Variants in KLHDC4 observed in about 807,000 individuals in gnomAD.
The protein encoded by KLHDC4 is kelch domain containing 4.
KLHDC4 carries 90 observed loss-of-function variants against 62.4 expected under a neutral mutation model. That is an observed-to-expected ratio of 1.44 (90% CI 1.22 to 1.72). The LOEUF (loss-of-function observed/expected upper bound fraction) is 1.72. Among genes scored for constraint, KLHDC4 ranks in the 40% most tolerant of loss-of-function variants. The probability of loss-of-function intolerance (pLI) is 0.00; values close to 1 mark genes in which losing one functional copy is unlikely to be tolerated. For missense variants in KLHDC4, 1,025 were observed against 699.7 expected, an observed-to-expected ratio of 1.47 and a Z score of -5.25; for synonymous variants, 386 against 284.4, an observed-to-expected ratio of 1.36 and a Z score of -3.59.
In KLHDC4 at chr16:87,734,346, GA is replaced by G. The variant is rs144103906; in HGVS notation, c.507-3703del. Reference sequence around the variant, plus strand: ...GCGATAGAGCAAGACTCCGTCTCAAGAAAAAAAAAACACAAGACATCAAGAC... The same window carrying G: ...GCGATAGAGCAAGACTCCGTCTCAAGAAAAAAAAACACAAGACATCAAGAC... On this transcript the variant is annotated intron_variant, in intron 5 of 11. Coordinates refer to ENST00000270583, the MANE Select transcript of KLHDC4 (RefSeq NM_017566.4). 5.3e-4 allele frequency among the ~76,000 whole-genome samples: 78 copies of G among 147,208 alleles called. 1 individual carries two copies. Among genetic ancestry groups the G allele is most frequent in the African/African-American group, 1.7e-3 (68 of 40,294 alleles).
At chr16:87,702,766 G>A (rs2034209984), upstream of KLHDC4, among the ~76,000 whole-genome samples, 1 of 152,236 alleles carries the variant, frequency 6.6e-6, no homozygotes, top group African/African-American at 2.4e-5. Context: ...GTGTTAACCT[G>A]TGTTTCCTTC....
At chr16:87,752,297 C>T (rs1266564781) in intron 4 of KLHDC4, among the ~76,000 whole-genome samples, 1 of 148,398 alleles carries the variant, frequency 6.7e-6, no homozygotes, top group East Asian at 2.0e-4. Flanking sequence ...AAACTCCAGG[C>T]AAGAGTGTAA....
intron 1 of KLHDC4, 154 bp from the exon 2 acceptor site, chr16:87,762,194 G>C (rs917894202): frequency 1.4e-6 from 2 of 1,430,064 alleles, no homozygotes; most frequent in Non-Finnish European, 1.8e-6. Flanking sequence ...TGCAGAGTTT[G>C]ACACATTCGA....
chr16:87,709,015 G>T (rs895279710), intron 10 of KLHDC4, among the ~76,000 whole-genome samples: 1 of 152,234 alleles, frequency 6.6e-6, no homozygotes, highest in Non-Finnish European at 1.5e-5. Context: ...AGATGCACCC[G>T]TGTCCTGTGC....
rs180830082 is a variant in KLHDC4 at position 87,708,153 on chromosome 16, A to G, written c.*2-78T>C. The G allele has an allele frequency of 1.5e-3, 957 of 632,556 alleles. 23 individuals are homozygous for G. The Admixed American group carries it at 0.022, about 15-fold the overall frequency. The allele number at this position is 632,556 out of a possible 1,614,324, so 39.2% of individuals were successfully genotyped here. A position where few individuals can be genotyped will look rare whatever the true frequency, so the allele number is the denominator to read the frequency against. ...GGCCCGTGCAGGAGGGGTAGAGAGA[A>G]CACCGGGTTTTCAGGGAAGACCTCA... On this transcript the variant is annotated intron_variant, in intron 11 of 11. Coordinates refer to ENST00000270583, the MANE Select transcript of KLHDC4 (RefSeq NM_017566.4).
exon 1 of KLHDC4, chr16:87,701,483 C>G: frequency 2.8e-6 from 1 of 355,060 alleles, no homozygotes; most frequent in South Asian, 2.1e-5. Context: ...TTCATGCCAG[C>G]TTGTTCCCAA....
At chr16:87,716,425 T>G (rs1229135000) in intron 7 of KLHDC4, among the ~76,000 whole-genome samples, 1 of 152,194 alleles carries the variant, frequency 6.6e-6, no homozygotes, top group Non-Finnish European at 1.5e-5. Context: ...TTGCTCGGGT[T>G]GTTCAACGAC....
At chr16:87,748,637 C>G in intron 5 of KLHDC4, 36 bp downstream of exon 5, 1 of 1,612,866 alleles carries the variant, frequency 6.2e-7, no homozygotes, top group Non-Finnish European at 8.5e-7. Context: ...ACAGAAGAGC[C>G]ATGCCCGGAG....
At chr16:87,734,691 G>A (rs966791692) in intron 5 of KLHDC4, among the ~76,000 whole-genome samples, 10 of 152,156 alleles carry the variant, frequency 6.6e-5, no homozygotes, top group African/African-American at 2.4e-4. Context: ...ATGAGCCTTT[G>A]GGGTGGCCTC....
chr16:87,720,544 C>A (rs971871584), intron 7 of KLHDC4, among the ~76,000 whole-genome samples: 8 of 116,666 alleles, frequency 6.9e-5, no homozygotes, highest in East Asian at 2.1e-4. Context: ...GCGGAGACGC[C>A]GCGCCCCTGG....
downstream of KLHDC4, among the ~76,000 whole-genome samples, chr16:87,706,994 C>A (rs1056742722): frequency 7.2e-5 from 11 of 152,212 alleles, no homozygotes; most frequent in Non-Finnish European, 1.2e-4. Context: ...TTGTTTTCAA[C>A]TCCCAGATAA....
At chr16:87,750,619 C>T (rs1019144683) in intron 4 of KLHDC4, among the ~76,000 whole-genome samples, 3 of 152,196 alleles carry the variant, frequency 2.0e-5, no homozygotes, top group East Asian at 3.8e-4. Flanking sequence ...AGTGCCAACC[C>T]GTCTAAGGTC....
chr16:87,727,486 G>A (rs1379587019), intron 6 of KLHDC4, among the ~76,000 whole-genome samples: 9 of 152,174 alleles, frequency 5.9e-5, no homozygotes, highest in South Asian at 2.1e-4. Context: ...GGGACTGGGC[G>A]CTCCAGGGAA....
chr16:87,746,792 G>C (rs954449051), intron 5 of KLHDC4, among the ~76,000 whole-genome samples: 3 of 152,212 alleles, frequency 2.0e-5, no homozygotes, highest in Admixed American at 2.0e-4. Context: ...TTGTATGTTT[G>C]CAGGATCACT....
chr16:87,704,297 T>G (rs2034390199), downstream of KLHDC4, among the ~76,000 whole-genome samples: 1 of 150,298 alleles, frequency 6.7e-6, no homozygotes, highest in Non-Finnish European at 1.5e-5. Context: ...GGGAGGGTCC[T>G]GAACCACACG....
At chr16:87,748,006 A>G (rs60738097) in intron 5 of KLHDC4, among the ~76,000 whole-genome samples, 32,217 of 152,126 alleles carry the variant, frequency 0.21, 3,625 homozygotes, top group South Asian at 0.31. Context: ...CCACACATAG[A>G]AGGACACTAA....
At chr16:87,720,854 G>A (rs913512112) in intron 7 of KLHDC4, among the ~76,000 whole-genome samples, 2 of 152,176 alleles carry the variant, frequency 1.3e-5, no homozygotes, top group Non-Finnish European at 2.9e-5. Context: ...CACTGCTGTC[G>A]CGATGGTTTC....
intron 9 of KLHDC4, chr16:87,710,115 A>G (rs1305419655): frequency 6.1e-6 from 1 of 164,212 alleles, no homozygotes; most frequent in Non-Finnish European, 1.3e-5. Flanking sequence ...CAGGCCCACA[A>G]GCCCAGCTCA....
chr16:87,755,081 T>G, intron 4 of KLHDC4, 113 bp downstream of exon 4: 1 of 677,834 alleles, frequency 1.5e-6, no homozygotes, highest in Admixed American at 2.6e-5. Flanking sequence ...CCAGGCGATC[T>G]ACAGGGCCCA....
Sources: gnomAD v4.1 joint callset for allele counts (sites outside exome capture counted in the v4.1 genomes callset) on GRCh38, gnomAD v4.1.1 for gene constraint, MANE v1.5 for transcripts, NCBI Gene and HGNC (gene_info 2026-07-23, HGNC 2026-07-21) for gene names.